The following PPP1R10 variants were observed in gnomAD, a reference collection of about 807,000 sequenced individuals.
PPP1R10 encodes the protein protein phosphatase 1 regulatory subunit 10.
PPP1R10 carries 15 observed loss-of-function variants against 99.0 expected under a neutral mutation model. That is an observed-to-expected ratio of 0.15 (90% CI 0.10 to 0.23). The LOEUF (loss-of-function observed/expected upper bound fraction) is 0.23, where lower values mean the gene tolerates loss of function less well. PPP1R10 is among the 10% of genes least tolerant of loss of function. PPP1R10 has a pLI of 1.00. For synonymous variants in PPP1R10, 430 were observed against 449.5 expected (o/e 0.96, Z 0.55); for missense variants, 947 against 1,259.4 (o/e 0.75, Z 3.75).
At chr6:30,608,019 C>CAAAA in intron 5 of PPP1R10, 128 bp from the exon 6 acceptor site, 2 of 945,530 alleles carry the variant, frequency 2.1e-6, no homozygotes, top group Non-Finnish European at 3.2e-6. Context: ...GACGGAGTCT[C>CAAAA]ACTCTGTTGC....
chr6:30,608,758 G>T (rs1804237891), intron 5 of PPP1R10, 21 bp downstream of exon 5: 1 of 1,610,336 alleles, frequency 6.2e-7, no homozygotes, highest in African/African-American at 1.3e-5. Flanking sequence ...GGAAGAATCA[G>T]GGTTTAAAGA....
rs375911429 is a variant in PPP1R10, at chr6:30,601,974, C to A, written c.2675G>T (p.Gly892Val). The change falls in exon 19 of 20, where the codon GGC becomes GTC. Residue 892 changes from glycine to valine, a missense_variant. Gly to Val is a moderately radical substitution (Grantham distance 109). Transcript: ENST00000376511. The part of the protein sequence containing the change: ...GHDGPGHGGG[G>V]HRGHDGGHSH... Reference sequence around the variant, plus strand: ...GTGGCCTCCATCGTGCCCTCGGTGGCCCCCTCCCCCGTGGCCAGGACCATC... The same window carrying A: ...GTGGCCTCCATCGTGCCCTCGGTGGACCCCTCCCCCGTGGCCAGGACCATC... 2.1e-5 allele frequency: 31 copies of A among 1,511,876 alleles called. No homozygotes were observed. The highest frequency in any genetic ancestry group is 2.4e-5 in the Non-Finnish European group (27 of 1,131,206). The allele number at this position is 1,511,876 out of a possible 1,614,324, so 93.7% of individuals were successfully genotyped here.
Position 30,606,942 on chromosome 6 carries a change from T to G in PPP1R10, c.383-86A>C. On this transcript the variant is annotated intron_variant, in intron 6 of 19. Transcript: ENST00000376511. The surrounding 1 kb of genome is among the most constrained non-coding windows in gnomAD (Gnocchi z 6.3). ...GAAAATGGGAGGTTTGAGAAAATAT[T>G]GTGAAAATTTATGTAACGGAGAAAG... 8.0e-7 allele frequency: 1 copy of G among 1,252,956 alleles called. No individual in the cohort carries two copies. The highest frequency in any genetic ancestry group is 1.1e-6 in the Non-Finnish European group (1 of 878,338). 77.6% of individuals were successfully genotyped at this position (1,252,956 alleles called of 1,614,324 possible).
chr6:30,608,993 C>T (rs1804266531), intron 4 of PPP1R10, 79 bp from the exon 5 acceptor site: 1 of 1,610,740 alleles, frequency 6.2e-7, no homozygotes, highest in Non-Finnish European at 8.5e-7. Context: ...CCCAGTCTCC[C>T]ATCAATGACC....
At chr6:30,611,380 C>A (rs945186298) in intron 2 of PPP1R10, among the ~76,000 whole-genome samples, 1 of 152,172 alleles carries the variant, frequency 6.6e-6, no homozygotes, top group African/African-American at 2.4e-5. Flanking sequence ...GGCAATAAGG[C>A]CCACACTGAG....
chr6:30,607,367 A>G (rs1477064909), intron 6 of PPP1R10, among the ~76,000 whole-genome samples: 1 of 152,264 alleles, frequency 6.6e-6, no homozygotes, highest in Non-Finnish European at 1.5e-5. Flanking sequence ...AAACAAGAAT[A>G]AAATTTGTTT....
At chr6:30,605,407 G>A (rs1239398995) in intron 10 of PPP1R10, among the ~76,000 whole-genome samples, 2 of 152,106 alleles carry the variant, frequency 1.3e-5, no homozygotes, top group Non-Finnish European at 2.9e-5. Flanking sequence ...AATGGCACAC[G>A]TCCCTATCTT....
intron 2 of PPP1R10, among the ~76,000 whole-genome samples, chr6:30,612,858 G>T (rs118048886): frequency 0.013 from 2,055 of 152,300 alleles, 150 homozygotes; most frequent in Admixed American, 0.12. Context: ...GCAGGCAGGG[G>T]CCGTGACTAA....
In PPP1R10 at chr6:30,606,352, T is replaced by A. The variant is rs1803947334; in HGVS notation, c.635-109A>T. 1.3e-6 allele frequency: 2 copies of A among 1,565,040 alleles called. No homozygotes were observed. The highest frequency in any genetic ancestry group is 8.7e-7 in the Non-Finnish European group (1 of 1,145,770). On this transcript the variant is annotated intron_variant, in intron 8 of 19. Transcript: ENST00000376511. This position sits in a 1 kb window ranked among gnomAD's most constrained non-coding sequence, Gnocchi z 6.3. ...TTCTAGCCTTGTAACCAAAGCTTCCTCTGCTAGTCTTCCCTCTTCCTTACG... is the reference window on the plus strand; with the variant it reads ...TTCTAGCCTTGTAACCAAAGCTTCCACTGCTAGTCTTCCCTCTTCCTTACG...
intron 6 of PPP1R10, 120 bp downstream of exon 6, chr6:30,607,720 A>T: frequency 9.0e-7 from 1 of 1,115,160 alleles, no homozygotes. Context: ...GAAGGAAAAA[A>T]AGCAAGGTGA....
Position 30,606,313 on chromosome 6 carries a change from A to G in PPP1R10, c.635-70T>C, listed in dbSNP as rs1803941591. 4 of 1,582,174 alleles carry G rather than the reference A, an allele frequency of 2.5e-6. No homozygotes were observed. Among genetic ancestry groups the G allele is most frequent in the Non-Finnish European group, 3.5e-6 (4 of 1,157,510 alleles). On this transcript the variant is annotated intron_variant, in intron 8 of 19. Coordinates refer to ENST00000376511, the MANE Select transcript of PPP1R10 (RefSeq NM_002714.4). This position sits in a 1 kb window ranked among gnomAD's most constrained non-coding sequence, Gnocchi z 6.3. ...ACCCCCGAATTTTCCTCCCGTTCTC[A>G]CCCGCAAATGTTCTTCTAGCCTTGT...
At chr6:30,601,716 C>A in intron 19 of PPP1R10, 58 bp from the exon 20 acceptor site, 1 of 1,481,058 alleles carries the variant, frequency 6.8e-7, no homozygotes. Flanking sequence ...ATGCCACCCT[C>A]ACCACCCCTT....
chr6:30,607,722 G>T, intron 6 of PPP1R10, 118 bp downstream of exon 6: 2 of 1,125,200 alleles, frequency 1.8e-6, no homozygotes, highest in Non-Finnish European at 1.3e-6. Context: ...AGGAAAAAAA[G>T]CAAGGTGAGG....
In PPP1R10 at chr6:30,608,914, T is replaced by C. The variant is rs145410870; in HGVS notation, c.195A>G (p.Lys65=). The C allele has an allele frequency of 1.2e-6, 2 of 1,614,064 alleles. No individual in the cohort carries two copies. Among genetic ancestry groups the C allele is most frequent in the South Asian group, 1.1e-5 (1 of 91,080 alleles). The change falls in exon 5 of 20, where the codon AAA becomes AAG. Residue 65 remains lysine, a splice_region_variant and synonymous_variant. Coordinates refer to ENST00000376511, the MANE Select transcript of PPP1R10 (RefSeq NM_002714.4). ...GTTTGTAGCCGCCAACGTCAATAAATCTGCAGGCAGGCAGGAGAGTCTATC... is the reference window on the plus strand; with the variant it reads ...GTTTGTAGCCGCCAACGTCAATAAACCTGCAGGCAGGCAGGAGAGTCTATC... The part of the protein sequence containing the change: ...LQTRSPEILV[K]FIDVGGYKLL...
Position 30,601,248 on chromosome 6 carries a change from A to C in PPP1R10, c.*301T>G, listed in dbSNP as rs1803281767. 1 of 421,694 alleles carries C rather than the reference A, an allele frequency of 2.4e-6. No homozygotes were observed. Among genetic ancestry groups the C allele is most frequent in the Non-Finnish European group, 4.3e-6 (1 of 234,898 alleles). 26.1% of individuals were successfully genotyped at this position (421,694 alleles called of 1,614,324 possible). ...TAGGTTCTCAAGCATTAAGGGTAATACTGGAAAGGGGTTTGGGGTACAGGG... is the reference window on the plus strand; with the variant it reads ...TAGGTTCTCAAGCATTAAGGGTAATCCTGGAAAGGGGTTTGGGGTACAGGG... On this transcript the variant is annotated 3_prime_UTR_variant, in exon 20 of 20. Coordinates refer to ENST00000376511, the MANE Select transcript of PPP1R10 (RefSeq NM_002714.4).
rs1221912828 is a variant in PPP1R10, at chr6:30,616,553, A to AC, written c.-88dup. 6.6e-6 allele frequency: 1 copy of AC among 152,162 alleles called. No homozygotes were observed. The highest frequency in any genetic ancestry group is 1.5e-5 in the Non-Finnish European group (1 of 68,030). The allele number at this position is 152,162 out of a possible 1,614,324, so 9.4% of individuals were successfully genotyped here. Reference sequence around the variant, plus strand: ...AAAATTTTGGAGGAAAAAAAATAAAACAACCAACCAGGACCCAAAACTCAA... The same window carrying AC: ...AAAATTTTGGAGGAAAAAAAATAAAACCAACCAACCAGGACCCAAAACTCAA... On this transcript the variant is annotated 5_prime_UTR_variant, in exon 2 of 20. Transcript: ENST00000376511.
chr6:30,611,985 TAA>T (rs1400049329), intron 2 of PPP1R10, among the ~76,000 whole-genome samples: 1 of 152,118 alleles, frequency 6.6e-6, no homozygotes, highest in African/African-American at 2.4e-5. Flanking sequence ...ATAGAAACTA[TAA>T]AGAGATACGA....
Position 30,609,691 on chromosome 6 carries a change from T to C in PPP1R10, c.107+147A>G, listed in dbSNP as rs912713167. The C allele has an allele frequency of 3.9e-5, 27 of 699,884 alleles. No individual in the cohort carries two copies. The highest frequency in any genetic ancestry group is 6.3e-5 in the Non-Finnish European group (26 of 409,982). 43.4% of individuals were successfully genotyped at this position (699,884 alleles called of 1,614,324 possible). On this transcript the variant is annotated intron_variant, in intron 3 of 19. Coordinates refer to ENST00000376511, the MANE Select transcript of PPP1R10 (RefSeq NM_002714.4). This position sits in a 1 kb window ranked among gnomAD's most constrained non-coding sequence, Gnocchi z 4.5. ...AGTGATCATCTTTTCCTATCCCTTA[T>C]CCTAAAATTGTTACATTTTAATCCT...
intron 2 of PPP1R10, among the ~76,000 whole-genome samples, chr6:30,613,301 G>C (rs932033370): frequency 6.6e-6 from 1 of 152,190 alleles, no homozygotes; most frequent in Non-Finnish European, 1.5e-5. Context: ...AAAATTCTGT[G>C]CAAGTCAGAG....
Sources: allele counts gnomAD v4.1 joint callset (sites outside exome capture counted in the v4.1 genomes callset), GRCh38; gene constraint gnomAD v4.1.1; non-coding constraint Gnocchi (gnomAD v3.1); transcripts MANE v1.5; gene names NCBI Gene and HGNC (gene_info 2026-07-23, HGNC 2026-07-21).